Variants in TARS2 observed in about 807,000 individuals in gnomAD.
The protein encoded by TARS2 is threonine--tRNA ligase, mitochondrial.
Under a neutral mutation model 94.4 loss-of-function variants are expected in TARS2, and 61 were observed. That is an observed-to-expected ratio of 0.65 (90% CI 0.53 to 0.80). The LOEUF is 0.80. Among genes scored for constraint, TARS2 ranks in the 30% least tolerant of loss-of-function variants. The pLI is 0.00. For missense variants in TARS2, 704 were observed against 902.5 expected (o/e 0.78, Z 2.82); for synonymous variants, 359 against 353.4 (o/e 1.02, Z -0.18).
At chr1:150,505,529 G>A in intron 16 of TARS2, 62 bp from the exon 17 acceptor site, 6 of 1,425,198 alleles carry the variant, frequency 4.2e-6, no homozygotes, top group Non-Finnish European at 5.9e-6. Context: ...AAGAGCATCA[G>A]ACTGTTCTAG....
At chr1:150,492,353 G>GAGA (rs1311293587) in intron 6 of TARS2, 58 bp from the exon 7 acceptor site, 1 of 1,557,840 alleles carries the variant, frequency 6.4e-7, no homozygotes, top group Non-Finnish European at 8.9e-7. Context: ...CCATGAGAGG[G>GAGA]AGAAAGCTAG....
intron 13 of TARS2, among the ~76,000 whole-genome samples, chr1:150,502,073 C>T (rs1408572047): frequency 2.6e-5 from 4 of 151,130 alleles, no homozygotes; most frequent in South Asian, 2.1e-4. Context: ...CCACCACGCC[C>T]GGCTAATTTT....
chr1:150,499,028 C>A lies in TARS2; in HGVS notation c.1533C>A (p.Ala511=), dbSNP rs369266206. The change falls in exon 12 of 18, where the codon GCC becomes GCA. Residue 511 remains alanine (A), a synonymous_variant. Coordinates refer to ENST00000369064, the MANE Select transcript of TARS2 (RefSeq NM_025150.5). ...FLGDPCLWDQ[A]EQVLKQALKE... ...GGGACCCTTGCCTTTGGGACCAGGC[C>A]GAACAGGTGAGTAGGAGGTAGAGAA... 2 of 1,614,096 alleles carry A rather than the reference C, an allele frequency of 1.2e-6. No individual in the cohort carries two copies. The highest frequency in any genetic ancestry group is 1.6e-4 in the Middle Eastern group (1 of 6,062).
At chr1:150,488,848 T>C (rs1669258665) in intron 2 of TARS2, 116 bp from the exon 3 acceptor site, 1 of 1,441,434 alleles carries the variant, frequency 6.9e-7, no homozygotes, top group East Asian at 2.3e-5. Context: ...CTCTATTCTC[T>C]ACCACTGTGA....
rs377699607 is a variant in TARS2, at chr1:150,493,145, A to C, written c.774+656A>C. On this transcript the variant is annotated intron_variant, in intron 7 of 17. Transcript: ENST00000369064. ...CAGCCTCCCAAAGTGCTGGGATTAC[A>C]GGCATGAGCCACTGAGCCTGGCCCT... 5.3e-5 allele frequency among the ~76,000 whole-genome samples: 8 copies of C among 152,064 alleles called. No individual in the cohort carries two copies. In the East Asian group the frequency reaches 7.8e-4, roughly 15 times the overall value.
chr1:150,507,045 A>G lies in TARS2; in HGVS notation c.2138A>G (p.Asn713Ser). 6.2e-7 allele frequency: 1 copy of G among 1,614,170 alleles called. No individual in the cohort carries two copies. Among genetic ancestry groups the G allele is most frequent in the South Asian group, 1.1e-5 (1 of 91,082 alleles). Residue 713 changes from asparagine to serine, a missense_variant, in exon 18 of 18, where the codon AAT (asparagine) becomes AGT (serine). Asn to Ser is a conservative substitution (Grantham distance 46). Transcript: ENST00000369064. ...LVELQNTRVPNAEEIF is the reference protein window; with the variant it reads ...LVELQNTRVPSAEEIF ...GAGCTACAGAACACGAGGGTCCCAA[A>G]TGCCGAAGAAATTTTCTGAGCCTTT...
intron 13 of TARS2, among the ~76,000 whole-genome samples, chr1:150,502,705 G>A (rs1669981266): frequency 6.6e-6 from 1 of 152,128 alleles, no homozygotes; most frequent in Admixed American, 6.6e-5. Context: ...AATCTTTTGA[G>A]TACTCAAAGT....
Position 150,503,764 on chromosome 1 carries a change from G to A in TARS2, c.1618-571G>A, listed in dbSNP as rs190206325. The stretch of plus-strand genomic sequence containing the variant: ...ATACATATATATATGTTAGCTGGGC[G>A]TGGTGGCATGTACCTGTAGTCCCAG... On this transcript the variant is annotated intron_variant, in intron 13 of 17. Transcript: ENST00000369064. Among the ~76,000 whole-genome samples, 159 of 151,382 alleles carry A rather than the reference G, an allele frequency of 1.1e-3. 7 individuals are homozygous for A. The East Asian group carries it at 0.027, about 26-fold the overall frequency.
chr1:150,506,461 T>TA (rs1313830076), intron 17 of TARS2, among the ~76,000 whole-genome samples: 1 of 145,340 alleles, frequency 6.9e-6, no homozygotes, highest in Non-Finnish European at 1.5e-5. Flanking sequence ...CCACTTGCTC[T>TA]AATACCCCCT....
chr1:150,491,694 A>C (rs749792011), intron 6 of TARS2, 32 bp downstream of exon 6: 1 of 1,610,196 alleles, frequency 6.2e-7, no homozygotes. Context: ...GCAAACAGAG[A>C]GGTGGGGAAG....
In TARS2 at chr1:150,496,556, A is replaced by G; in HGVS notation, c.849A>G (p.Thr283=). Residue 283 remains threonine, a synonymous_variant, in exon 8 of 18, where the codon ACA becomes ACG. Transcript: ENST00000369064. Reference sequence around the variant, plus strand: ...GAGTGTCAGGGATTTCCTTCCCCACAACAGAATTGCTGAGGGTCTGGGAAG... The same window carrying G: ...GAGTGTCAGGGATTTCCTTCCCCACGACAGAATTGCTGAGGGTCTGGGAAG... ...LQRVSGISFP[T]TELLRVWEAW... 2 of 1,614,106 alleles carry G rather than the reference A, an allele frequency of 1.2e-6. No homozygotes were observed. The highest frequency in any genetic ancestry group is 1.7e-6 in the Non-Finnish European group (2 of 1,180,028).
chr1:150,491,896 G>A, intron 6 of TARS2: 1 of 443,684 alleles, frequency 2.3e-6, no homozygotes, highest in Non-Finnish European at 4.2e-6. Context: ...CTGGGTTCAA[G>A]TGATTCTCCT....
Position 150,497,693 on chromosome 1 carries a change from C to T in TARS2, c.1184C>T (p.Thr395Ile). The part of the protein sequence containing the change: ...RPPSSQSDDS[T>I]RHITDTLALK... The stretch of plus-strand genomic sequence containing the variant: ...CCCAGCTCCCAGAGTGACGATTCTA[C>T]CAGGCATATCACAGATACACTCGCC... The change falls in exon 10 of 18, where the codon ACC (threonine) becomes ATC (isoleucine). Residue 395 changes from threonine to isoleucine, a missense_variant. This residue lies in a region of TARS2 where 466 missense variants were observed against 609.5 expected (regional missense o/e 0.76). Coordinates refer to ENST00000369064, the MANE Select transcript of TARS2 (RefSeq NM_025150.5). 1 of 1,614,150 alleles carries T rather than the reference C, an allele frequency of 6.2e-7. No homozygotes were observed. The highest frequency in any genetic ancestry group is 8.5e-7 in the Non-Finnish European group (1 of 1,180,040).
At chr1:150,501,379 T>C (rs959045217) in intron 13 of TARS2, among the ~76,000 whole-genome samples, 1 of 137,218 alleles carries the variant, frequency 7.3e-6, no homozygotes, top group South Asian at 2.6e-4. Context: ...GTGCAGTGGC[T>C]CGATCTCGGC....
chr1:150,503,772 A>G lies in TARS2; in HGVS notation c.1618-563A>G, dbSNP rs587726844. ...ATATATGTTAGCTGGGCGTGGTGGC[A>G]TGTACCTGTAGTCCCAGCTACTCAG... On this transcript the variant is annotated intron_variant, in intron 13 of 17. Coordinates refer to ENST00000369064, the MANE Select transcript of TARS2 (RefSeq NM_025150.5). 6.6e-5 allele frequency among the ~76,000 whole-genome samples: 10 copies of G among 151,314 alleles called. No individual in the cohort carries two copies. The East Asian group carries it at 1.8e-3, about 26-fold the overall frequency.
At chr1:150,490,282 C>G (rs982679356) in intron 3 of TARS2, among the ~76,000 whole-genome samples, 1 of 151,756 alleles carries the variant, frequency 6.6e-6, no homozygotes, top group African/African-American at 2.4e-5. Flanking sequence ...CCATGCCTGG[C>G]TAGTTTTGTA....
At chr1:150,492,536 G>C (rs1022957990) in intron 7 of TARS2, 47 bp downstream of exon 7, 13 of 1,588,098 alleles carry the variant, frequency 8.2e-6, no homozygotes, top group Non-Finnish European at 1.1e-5. Context: ...TTTGAGCCGG[G>C]CATGGTGGCT....
At chr1:150,497,303 G>C (rs1287696644) in intron 9 of TARS2, among the ~76,000 whole-genome samples, 1 of 151,928 alleles carries the variant, frequency 6.6e-6, no homozygotes, top group African/African-American at 2.4e-5. Context: ...AAAAAAAGGT[G>C]GGGGGGCTGG....
At chr1:150,499,151 T>C in intron 12 of TARS2, 65 bp from the exon 13 acceptor site, 1 of 1,610,420 alleles carries the variant, frequency 6.2e-7, no homozygotes, top group South Asian at 1.1e-5. Context: ...TGTTGGGGAC[T>C]GACCGGATGT....
Sources: allele counts gnomAD v4.1 joint callset (sites outside exome capture counted in the v4.1 genomes callset), GRCh38; gene constraint gnomAD v4.1.1; regional missense constraint gnomAD v4.1.1; transcripts MANE v1.5; gene names NCBI Gene and HGNC (gene_info 2026-07-23, HGNC 2026-07-21).